The following CHFR variants were observed in gnomAD, a reference collection of about 807,000 sequenced individuals.
CHFR encodes the protein E3 ubiquitin-protein ligase CHFR.
CHFR carries 57 observed loss-of-function variants against 87.6 expected under a neutral mutation model. The observed-to-expected ratio is 0.65, with a 90% CI of 0.53 to 0.81. The LOEUF is 0.81. Ranked by LOEUF, CHFR falls within the 30% of genes least tolerant of loss-of-function variation. The pLI, the probability that CHFR is intolerant of heterozygous loss-of-function variation, is 0.00. For synonymous variants in CHFR, 381 were observed against 359.2 expected, an observed-to-expected ratio of 1.06 and a Z score of -0.69; for missense variants, 797 against 865.8, an observed-to-expected ratio of 0.92 and a Z score of 1.00.
rs149983112 is a variant in CHFR at position 132,839,253 on chromosome 12, C to T, written c.*2301G>A. On this transcript the variant is annotated 3_prime_UTR_variant, in exon 18 of 18. Coordinates refer to ENST00000450056, the MANE Select transcript of CHFR (RefSeq NM_001161346.2). Reference sequence around the variant, plus strand: ...GGGTAGCCCCAGCCCACTTCATTGGCGAATGCCAGCCTCCCCTCTCAGCCT... The same window carrying T: ...GGGTAGCCCCAGCCCACTTCATTGGTGAATGCCAGCCTCCCCTCTCAGCCT... The T allele has an allele frequency of 2.4e-4, 41 of 171,282 alleles. No homozygotes were observed. The highest frequency in any genetic ancestry group is 1.3e-3 in the East Asian group (7 of 5,264). The allele number at this position is 171,282 out of a possible 1,614,324, so 10.6% of individuals were successfully genotyped here.
At chr12:132,864,794 A>AT (rs529824378) in intron 6 of CHFR, among the ~76,000 whole-genome samples, 70 of 151,234 alleles carry the variant, frequency 4.6e-4, no homozygotes, top group Admixed American at 2.2e-3. Flanking sequence ...GGCCAGAAGA[A>AT]TTTTTTTTTT....
rs141349945 is a variant in CHFR, at chr12:132,851,724, G to T, written c.1386C>A (p.Tyr462Ter). ...SVSLTTAVQDYVCPLQGSHAL... is the reference protein window; with the variant it reads ...SVSLTTAVQD ...CGTGGCTTCCTTGCAGAGGGCACAC[G>T]TAATCCTGGACTGCTGAAGCACACG... The change falls in exon 12 of 18, where the codon TAC (tyrosine) becomes TAA (stop). Residue 462 changes from tyrosine (Y) to a stop codon, truncating the protein, a stop_gained. Coordinates refer to ENST00000450056, the MANE Select transcript of CHFR (RefSeq NM_001161346.2). LOFTEE classifies it high-confidence loss of function. The T allele has an allele frequency of 6.2e-7, 1 of 1,613,156 alleles. No homozygotes were observed. Among genetic ancestry groups the T allele is most frequent in the Non-Finnish European group, 8.5e-7 (1 of 1,179,696 alleles).
rs756736276 is a variant in CHFR, at chr12:132,857,485, G to C, written c.986C>G (p.Thr329Ser). The C allele has an allele frequency of 6.2e-7, 1 of 1,614,206 alleles. No homozygotes were observed. The highest frequency in any genetic ancestry group is 2.2e-5 in the East Asian group (1 of 44,890). ...GWMERSSLCP[T>S]CRCPVERICK... ...GATCCGCTCCACGGGACAGCGGCAGGTAGGACACAGGGACGAGCGCTCCAT... is the reference window on the plus strand; with the variant it reads ...GATCCGCTCCACGGGACAGCGGCAGCTAGGACACAGGGACGAGCGCTCCAT... The change falls in exon 9 of 18, where the codon ACC (threonine) becomes AGC (serine). Residue 329 changes from threonine (T) to serine (S), a missense_variant. Physicochemically the swap from Thr to Ser is moderately conservative, Grantham distance 58 (BLOSUM62 1). Around this residue, in one of 2 missense-constraint regions of CHFR, gnomAD observed 597 missense variants for 601.2 expected, o/e 0.99. Transcript: ENST00000450056.
intron 11 of CHFR, among the ~76,000 whole-genome samples, chr12:132,852,796 A>G (rs1379477426): frequency 6.6e-6 from 1 of 152,190 alleles, no homozygotes; most frequent in Non-Finnish European, 1.5e-5. Flanking sequence ...CTCTACATCC[A>G]TCCCAGGCCA....
intron 7 of CHFR, among the ~76,000 whole-genome samples, 180 bp downstream of exon 7, chr12:132,861,287 C>CA (rs964744970): frequency 2.0e-5 from 3 of 152,022 alleles, no homozygotes; most frequent in South Asian, 2.1e-4. Context: ...ATGCAAACCG[C>CA]AAAAAAACAG....
chr12:132,869,466 C>T (rs1951434498), intron 6 of CHFR, 153 bp downstream of exon 6: 7 of 670,164 alleles, frequency 1.0e-5, no homozygotes, highest in Non-Finnish European at 1.5e-5. Context: ...GTGAAGGGAA[C>T]AACACACTCA....
intron 4 of CHFR, among the ~76,000 whole-genome samples, chr12:132,871,033 T>C (rs1951476055): frequency 6.6e-6 from 1 of 152,248 alleles, no homozygotes; most frequent in Admixed American, 6.5e-5. Context: ...GCCTCACTTA[T>C]AATTTCAAAC....
intron 6 of CHFR, chr12:132,867,622 C>G (rs1026707649): frequency 2.0e-5 from 3 of 152,180 alleles, no homozygotes; most frequent in African/African-American, 7.2e-5. Flanking sequence ...CATTTCTGGA[C>G]TTTTTATCAG....
At chr12:132,859,725 CTG>C (rs1951172894) in intron 7 of CHFR, among the ~76,000 whole-genome samples, 2 of 152,044 alleles carry the variant, frequency 1.3e-5, no homozygotes, top group Non-Finnish European at 2.9e-5. Context: ...ATTAAAGAAA[CTG>C]TACACAATTT....
At chr12:132,884,313 G>C (rs12831987) in intron 2 of CHFR, among the ~76,000 whole-genome samples, 41,304 of 151,576 alleles carry the variant, frequency 0.27, 5,916 homozygotes, top group Middle Eastern at 0.42. Context: ...CAGCTACTCG[G>C]GAGGCTGAGG....
chr12:132,843,097 A>C lies in CHFR; in HGVS notation c.1844-14T>G. ...ATGTTACGGCCACTGGAAAAAGAGA[A>C]GGGGTACGCATCTATGAGATGTATT... On this transcript the variant is annotated splice_polypyrimidine_tract_variant and intron_variant, in intron 16 of 17. Transcript: ENST00000450056. The C allele has an allele frequency of 6.2e-7, 1 of 1,610,350 alleles. No individual in the cohort carries two copies.
intron 6 of CHFR, chr12:132,866,556 G>T (rs530063384): frequency 8.6e-5 from 13 of 150,730 alleles, no homozygotes; most frequent in Non-Finnish European, 1.5e-4. Context: ...AACACACCGC[G>T]ATTGTTACAA....
chr12:132,857,877 C>A (rs1951118661), intron 8 of CHFR, among the ~76,000 whole-genome samples: 1 of 152,222 alleles, frequency 6.6e-6, no homozygotes, highest in Admixed American at 6.5e-5. Context: ...CCTTCCTCAG[C>A]GGCTCCTACG....
intron 8 of CHFR, among the ~76,000 whole-genome samples, chr12:132,858,543 G>A (rs1177186520): frequency 6.6e-6 from 1 of 151,524 alleles, no homozygotes; most frequent in Non-Finnish European, 1.5e-5. Flanking sequence ...TGGCCAACAT[G>A]GTGAAACCCT....
rs370517411 is a variant in CHFR at position 132,861,629 on chromosome 12, C to G, written c.589G>C (p.Gly197Arg). 6.2e-7 allele frequency: 1 copy of G among 1,613,950 alleles called. No homozygotes were observed. Among genetic ancestry groups the G allele is most frequent in the South Asian group, 1.1e-5 (1 of 91,080 alleles). The change falls in exon 7 of 18, where the codon GGG becomes CGG. Residue 197 changes from glycine (G) to arginine (R), a missense_variant. Coordinates refer to ENST00000450056, the MANE Select transcript of CHFR (RefSeq NM_001161346.2). ...CCTTTAGGGGAGATGCCACCACCCCCAGACCCTGTGAGAGGAATCAAACAA... is the reference window on the plus strand; with the variant it reads ...CCTTTAGGGGAGATGCCACCACCCCGAGACCCTGTGAGAGGAATCAAACAA... ...GRERSSSCGS[G>R]GGGISPKGSG...
At chr12:132,871,429 G>GC (rs1951486539) in intron 4 of CHFR, among the ~76,000 whole-genome samples, 1 of 151,222 alleles carries the variant, frequency 6.6e-6, no homozygotes, top group Non-Finnish European at 1.5e-5. Flanking sequence ...TCCAGCCTCC[G>GC]CAACAGAGCA....
At position 132,870,772 on chromosome 12, in the gene CHFR, G is replaced by A. The variant is rs773555344; in HGVS notation, c.355C>T (p.Leu119Phe). 3.7e-6 allele frequency: 6 copies of A among 1,607,828 alleles called. No homozygotes were observed. The highest frequency in any genetic ancestry group is 1.7e-5 in the Admixed American group (1 of 59,916). ...KNEPEHNVAY[L>F]YESLSEKQGM... ...TGCTTTTCACTTAAAGATTCATAGAGGTATGCCACGTCTAAAAGAAAATCA... is the reference window on the plus strand; with the variant it reads ...TGCTTTTCACTTAAAGATTCATAGAAGTATGCCACGTCTAAAAGAAAATCA... The change falls in exon 5 of 18, where the codon CTC (leucine) becomes TTC (phenylalanine). Residue 119 changes from leucine (L) to phenylalanine (F), a missense_variant. Physicochemically the swap from Leu to Phe is conservative, Grantham distance 22 (BLOSUM62 0). Transcript: ENST00000450056.
chr12:132,860,621 A>C (rs951079448), intron 7 of CHFR, among the ~76,000 whole-genome samples: 2 of 152,248 alleles, frequency 1.3e-5, no homozygotes, highest in African/African-American at 4.8e-5. Flanking sequence ...CTACCATAAC[A>C]TTCCCAAATG....
chr12:132,883,185 T>C (rs2137069563), intron 2 of CHFR, among the ~76,000 whole-genome samples: 1 of 151,752 alleles, frequency 6.6e-6, no homozygotes, highest in South Asian at 2.1e-4. Context: ...CCCAGCACAT[T>C]GGGAGGCCGA....
Sources: gnomAD v4.1 joint callset for allele counts (sites outside exome capture counted in the v4.1 genomes callset) on GRCh38, gnomAD v4.1.1 for gene constraint, gnomAD v4.1.1 regional missense constraint, MANE v1.5 for transcripts, NCBI Gene and HGNC (gene_info 2026-07-23, HGNC 2026-07-21) for gene names.